UBAC1: variants seen among roughly 807,000 people sequenced by gnomAD.
UBAC1 encodes the protein UBA domain containing 1, also known as ubiquitin-associated domain-containing protein 1.
In UBAC1, 27 loss-of-function variants were observed where a neutral mutation model predicts 45.9. That is an observed-to-expected ratio of 0.59 (90% confidence interval 0.43 to 0.81). The LOEUF (loss-of-function observed/expected upper bound fraction) is 0.81, where lower values mean the gene tolerates loss of function less well. UBAC1 is among the 30% of genes least tolerant of loss of function. UBAC1 has a pLI of 0.00. For missense variants in UBAC1, 529 were observed against 539.2 expected (o/e 0.98, Z 0.19); for synonymous variants, 227 against 215.5 (o/e 1.05, Z -0.47).
Position 135,961,252 on chromosome 9 carries a change from C to A in UBAC1, c.-90G>T, listed in dbSNP as rs1839533830. The A allele has an allele frequency of 8.3e-7, 1 of 1,197,686 alleles. No individual in the cohort carries two copies. Among genetic ancestry groups the A allele is most frequent in the African/African-American group, 1.6e-5 (1 of 61,382 alleles). The allele number at this position is 1,197,686 out of a possible 1,614,324, so 74.2% of individuals were successfully genotyped here. On this transcript the variant is annotated 5_prime_UTR_variant, in exon 1 of 10. Coordinates refer to ENST00000371756, the MANE Select transcript of UBAC1 (RefSeq NM_016172.3). ...CGGGGAGGGGGCGGGGCCAGACCGC[C>A]CGCGCGCTCCTTCGCTGGGCCGCCG...
intron 3 of UBAC1, among the ~76,000 whole-genome samples, chr9:135,949,576 C>T (rs1839381546): frequency 6.6e-6 from 1 of 152,226 alleles, no homozygotes; most frequent in Admixed American, 6.5e-5. Context: ...GTACTGCATA[C>T]GGCTGGCACC....
At chr9:135,949,708 C>T (rs1254396116) in intron 3 of UBAC1, among the ~76,000 whole-genome samples, 1 of 152,208 alleles carries the variant, frequency 6.6e-6, no homozygotes, top group Non-Finnish European at 1.5e-5. Context: ...CCTGGTCCTG[C>T]GGCAGGCAGA....
rs199555001 is a variant in UBAC1, at chr9:135,934,017, G to GT, written c.1103-503dup. ...GCACTTCTTCAAAATGAAAACTTGG[G>GT]TTTTAACAGCTTTACAAAACTGTTT... On this transcript the variant is annotated intron_variant, in intron 9 of 9. Transcript: ENST00000371756. Among the ~76,000 whole-genome samples, 1,093 of 152,310 alleles carry GT rather than the reference G, an allele frequency of 7.2e-3. 8 individuals carry two copies. Among genetic ancestry groups the GT allele is most frequent in the Middle Eastern group, 0.044 (13 of 294 alleles).
chr9:135,945,320 C>A, intron 6 of UBAC1, 70 bp from the exon 7 acceptor site: 2 of 1,319,084 alleles, frequency 1.5e-6, no homozygotes. Flanking sequence ...CTGTCCATTC[C>A]CAAGAAGAGC....
chr9:135,944,644 C>T (rs1237932193), intron 7 of UBAC1, among the ~76,000 whole-genome samples: 1 of 152,186 alleles, frequency 6.6e-6, no homozygotes, highest in Non-Finnish European at 1.5e-5. Context: ...ATGACCCTCC[C>T]GGTCTCTGGG....
At chr9:135,950,255 T>C (rs1564198059) in intron 3 of UBAC1, among the ~76,000 whole-genome samples, 1 of 152,234 alleles carries the variant, frequency 6.6e-6, no homozygotes, top group African/African-American at 2.4e-5. Context: ...AGCAGCTACA[T>C]GTGTGGCGAT....
chr9:135,949,012 C>T (rs1436831893), intron 3 of UBAC1, among the ~76,000 whole-genome samples: 5 of 150,430 alleles, frequency 3.3e-5, no homozygotes, highest in Non-Finnish European at 5.9e-5. Flanking sequence ...GAGCTGAGAT[C>T]ACACCACCGC....
chr9:135,945,085 C>T lies in UBAC1; in HGVS notation c.819G>A (p.Glu273=). ...GGATCTTCTTGAAGATTTCCGTCAG[C>T]TCATCTCTGGCCTCCTCATCGGTGG... The part of the protein sequence containing the change: ...ASATDEEARD[E]LTEIFKKIRR... Residue 273 remains glutamate, a synonymous_variant, in exon 7 of 10, where the codon GAG becomes GAA. Coordinates refer to ENST00000371756, the MANE Select transcript of UBAC1 (RefSeq NM_016172.3). 8 of 1,608,456 alleles carry T rather than the reference C, an allele frequency of 5.0e-6. No homozygotes were observed. The Admixed American group carries it at 5.1e-5, about 10-fold the overall frequency.
chr9:135,955,250 G>A (rs773032794), intron 2 of UBAC1, 45 bp downstream of exon 2: 2 of 1,504,656 alleles, frequency 1.3e-6, no homozygotes, highest in Non-Finnish European at 1.8e-6. Flanking sequence ...GCCCCCAGCA[G>A]TGCACGATGC....
intron 7 of UBAC1, among the ~76,000 whole-genome samples, chr9:135,941,144 G>A (rs1257655920): frequency 1.3e-5 from 2 of 152,154 alleles, no homozygotes; most frequent in Non-Finnish European, 2.9e-5. Context: ...AGTGGCTCAC[G>A]CCTGTAATCC....
intron 3 of UBAC1, among the ~76,000 whole-genome samples, chr9:135,949,145 C>T (rs1377995395): frequency 1.3e-5 from 2 of 151,592 alleles, no homozygotes; most frequent in African/African-American, 4.8e-5. Context: ...CCAGGACAGA[C>T]GGCCCACGGA....
intron 4 of UBAC1, 200 bp downstream of exon 4, chr9:135,947,598 G>A (rs1839353315): frequency 8.1e-6 from 4 of 491,416 alleles, no homozygotes; most frequent in South Asian, 3.5e-5. Flanking sequence ...CCTTCAGATG[G>A]CTTTCCAACT....
At position 135,945,923 on chromosome 9, in the gene UBAC1, C is replaced by T. The variant is rs769555889; in HGVS notation, c.619G>A (p.Glu207Lys). Residue 207 changes from glutamate to lysine, a missense_variant, in exon 6 of 10, where the codon GAG (glutamate) becomes AAG (lysine). Coordinates refer to ENST00000371756, the MANE Select transcript of UBAC1 (RefSeq NM_016172.3). ...TGAAGGGCCTTGGTGGCTCTGTTCT[C>T]CGGAAAGCCCATCTCCGTGAGCTGC... ...LRQLTEMGFP[E>K]NRATKALQLN... The T allele has an allele frequency of 1.2e-6, 2 of 1,614,052 alleles. No individual in the cohort carries two copies. Among genetic ancestry groups the T allele is most frequent in the South Asian group, 1.1e-5 (1 of 91,074 alleles).
chr9:135,933,410 T>C lies in UBAC1; in HGVS notation c.1208A>G (p.Asn403Ser). The C allele has an allele frequency of 6.2e-7, 1 of 1,613,988 alleles. No homozygotes were observed. The highest frequency in any genetic ancestry group is 2.2e-5 in the East Asian group (1 of 44,876). The change falls in exon 10 of 10, where the codon AAT (asparagine) becomes AGT (serine). Residue 403 changes from asparagine to serine, a missense_variant. Coordinates refer to ENST00000371756, the MANE Select transcript of UBAC1 (RefSeq NM_016172.3). ...GTGGAACAACGCCACCTACGTGCGA[T>C]TTAGTGTCTGGAAGATTCTAGAGAT... is the stretch of plus-strand genomic sequence containing the variant. ...LQISRIFQTLNRT is the reference protein window; with the variant it reads ...LQISRIFQTLSRT
rs2131085244 is a variant in UBAC1, at chr9:135,943,690, A to G, written c.876+1338T>C. Among the ~76,000 whole-genome samples, 3 of 152,346 alleles carry G rather than the reference A, an allele frequency of 2.0e-5. No homozygotes were observed. The South Asian group carries it at 6.2e-4, about 32-fold the overall frequency. ...ACTGCAGCACTACTCACAATAGCAA[A>G]GACATAGAATCAACTCAAATGCCCA... is the stretch of plus-strand genomic sequence containing the variant. On this transcript the variant is annotated intron_variant, in intron 7 of 9. Transcript: ENST00000371756.
intron 3 of UBAC1, among the ~76,000 whole-genome samples, chr9:135,953,470 C>G (rs1839430620): frequency 6.6e-6 from 1 of 152,152 alleles, no homozygotes; most frequent in South Asian, 2.1e-4. Context: ...GCATGAGCCA[C>G]CATGCCCAGC....
chr9:135,936,279 T>A (rs918892075), intron 9 of UBAC1, among the ~76,000 whole-genome samples: 2 of 152,028 alleles, frequency 1.3e-5, no homozygotes, highest in African/African-American at 4.8e-5. Flanking sequence ...AGGAGGAATA[T>A]GCTTTCAGTG....
chr9:135,953,207 G>T (rs1331157135), intron 3 of UBAC1, among the ~76,000 whole-genome samples: 1 of 152,218 alleles, frequency 6.6e-6, no homozygotes, highest in Non-Finnish European at 1.5e-5. Flanking sequence ...AACAGGCTCT[G>T]CCGGGAGAGA....
intron 7 of UBAC1, among the ~76,000 whole-genome samples, chr9:135,941,272 G>A (rs1839266341): frequency 6.6e-6 from 1 of 152,146 alleles, no homozygotes; most frequent in Admixed American, 6.6e-5. Context: ...TGGGCGTGGT[G>A]GCGGGCACCT....
Sources: allele counts gnomAD v4.1 joint callset (sites outside exome capture counted in the v4.1 genomes callset), GRCh38; gene constraint gnomAD v4.1.1; transcripts MANE v1.5; gene names NCBI Gene and HGNC (gene_info 2026-07-23, HGNC 2026-07-21).